The following DSCC1 variants were observed in gnomAD, a reference collection of about 807,000 sequenced individuals.
The protein encoded by DSCC1 is DNA replication and sister chromatid cohesion 1.
DSCC1 carries 32 observed loss-of-function variants against 48.2 expected under a neutral mutation model. The observed-to-expected ratio is 0.66, with a 90% CI of 0.50 to 0.89. The LOEUF is 0.89. Ranked by LOEUF, DSCC1 falls within the 40% of genes least tolerant of loss-of-function variation. The probability of loss-of-function intolerance (pLI) is 0.00; values close to 1 mark genes in which losing one functional copy is unlikely to be tolerated. For missense variants in DSCC1, 421 were observed against 471.7 expected, an observed-to-expected ratio of 0.89 and a Z score of 1.00; for synonymous variants, 150 against 171.5, an observed-to-expected ratio of 0.87 and a Z score of 0.98.
At chr8:119,847,161 A>C in intron 3 of DSCC1, 81 bp from the exon 4 acceptor site, 2 of 1,198,648 alleles carry the variant, frequency 1.7e-6, no homozygotes, top group Non-Finnish European at 2.4e-6. Flanking sequence ...AGGAATAAAT[A>C]CATAGAACAG....
intron 4 of DSCC1, among the ~76,000 whole-genome samples, chr8:119,844,230 G>C (rs1361509249): frequency 2.6e-5 from 4 of 151,976 alleles, no homozygotes. Flanking sequence ...TTTAGGCCAG[G>C]AGTTCGAGAC....
intron 3 of DSCC1, among the ~76,000 whole-genome samples, chr8:119,849,077 C>T (rs1232677760): frequency 2.0e-5 from 3 of 149,004 alleles, no homozygotes; most frequent in South Asian, 2.2e-4. Flanking sequence ...CCCAGCTATT[C>T]GGGAGGCTGA....
intron 7 of DSCC1, among the ~76,000 whole-genome samples, chr8:119,841,012 G>A (rs1052893886): frequency 7.9e-5 from 12 of 151,314 alleles, no homozygotes; most frequent in Non-Finnish European, 1.0e-4. Flanking sequence ...TTATTTTTGA[G>A]ACAGAGTCTT....
chr8:119,838,706 C>A, intron 7 of DSCC1: 1 of 229,652 alleles, frequency 4.4e-6, no homozygotes. Flanking sequence ...TTCTTGGATT[C>A]ATCGTGTTAG....
At chr8:119,845,742 G>A (rs1826846714) in intron 4 of DSCC1, among the ~76,000 whole-genome samples, 2 of 151,802 alleles carry the variant, frequency 1.3e-5, no homozygotes, top group South Asian at 4.2e-4. Context: ...TGAGCTGAGA[G>A]GTTCAAGACC....
intron 3 of DSCC1, among the ~76,000 whole-genome samples, chr8:119,847,303 T>C (rs1826871305): frequency 6.6e-6 from 1 of 152,162 alleles, no homozygotes; most frequent in African/African-American, 2.4e-5. Context: ...TGATGGCTTA[T>C]TAAATATGAC....
intron 8 of DSCC1, 94 bp downstream of exon 8, chr8:119,838,165 C>A: frequency 4.4e-6 from 6 of 1,375,846 alleles, no homozygotes; most frequent in Non-Finnish European, 4.8e-6. Flanking sequence ...AGGGAATACT[C>A]AAGAAAATTG....
At chr8:119,855,497 T>C in intron 1 of DSCC1, 117 bp downstream of exon 1, 1 of 1,366,400 alleles carries the variant, frequency 7.3e-7, no homozygotes, top group Non-Finnish European at 9.6e-7. Flanking sequence ...CAGCTTGCTA[T>C]GAGCCCCCGG....
At chr8:119,838,025 G>C (rs1826711432) in intron 8 of DSCC1, among the ~76,000 whole-genome samples, 1 of 152,140 alleles carries the variant, frequency 6.6e-6, no homozygotes. Flanking sequence ...CCAGGAATGA[G>C]AGCAGAGAAG....
chr8:119,835,295 A>G (rs1300081056), intron 8 of DSCC1, among the ~76,000 whole-genome samples: 2 of 152,150 alleles, frequency 1.3e-5, no homozygotes, highest in Non-Finnish European at 2.9e-5. Context: ...TCACAAGGTC[A>G]GGAGTTGAAG....
Position 119,853,139 on chromosome 8 carries a change from C to G in DSCC1, c.259G>C (p.Asp87His), listed in dbSNP as rs1826965298. ...ATGAAAAGCAACATATTGGAAGTGT[C>G]TGCTATCTTCAAGTCGTATGTTTTG... ...KDKTYDLKIA[D>H]TSNMLLFIPG... Residue 87 changes from aspartate to histidine, a missense_variant, in exon 2 of 9, where the codon GAC becomes CAC. By Grantham distance (81) the Asp-to-His change is moderately conservative. Around this residue, in one of 3 missense-constraint regions of DSCC1, gnomAD observed 174 missense variants for 184.5 expected, o/e 0.94. Coordinates refer to ENST00000313655, the MANE Select transcript of DSCC1 (RefSeq NM_024094.3). 1.5e-5 allele frequency: 25 copies of G among 1,614,034 alleles called. No individual in the cohort carries two copies. Among genetic ancestry groups the G allele is most frequent in the Non-Finnish European group, 2.1e-5 (25 of 1,180,024 alleles).
Position 119,834,716 on chromosome 8 carries a change from A to C in DSCC1, c.*177T>G, listed in dbSNP as rs1826648637. ...TGTACATAGTACAAATATAATTTTA[A>C]AGCTACATCCTATAACATTTAAGAA... On this transcript the variant is annotated 3_prime_UTR_variant, in exon 9 of 9. Transcript: ENST00000313655. 5 of 594,174 alleles carry C rather than the reference A, an allele frequency of 8.4e-6. No homozygotes were observed. Among genetic ancestry groups the C allele is most frequent in the South Asian group, 7.9e-5 (4 of 50,828 alleles). 36.8% of individuals were successfully genotyped at this position (594,174 alleles called of 1,614,324 possible).
intron 7 of DSCC1, chr8:119,838,926 G>C (rs946538196): frequency 6.6e-6 from 1 of 152,210 alleles, no homozygotes; most frequent in African/African-American, 2.4e-5. Context: ...TAGAGAAGGG[G>C]TTTCACCATG....
chr8:119,842,475 C>A (rs901277017), intron 6 of DSCC1, among the ~76,000 whole-genome samples: 1 of 151,696 alleles, frequency 6.6e-6, no homozygotes, highest in Non-Finnish European at 1.5e-5. Flanking sequence ...TCGACCTCCC[C>A]GGGCTCAGGT....
Position 119,855,604 on chromosome 8 carries a change from CA to C in DSCC1, c.182+9del. ...CCAGAGGCTGGGGGCGCCGCGTGACCAGGGCTCACCTGTGTCCATCCTCCAG... is the reference window on the plus strand; with the variant it reads ...CCAGAGGCTGGGGGCGCCGCGTGACCGGGCTCACCTGTGTCCATCCTCCAG... On this transcript the variant is annotated intron_variant, in intron 1 of 8. Transcript: ENST00000313655. 6.5e-7 allele frequency: 1 copy of C among 1,537,088 alleles called. No homozygotes were observed. Among genetic ancestry groups the C allele is most frequent in the Non-Finnish European group, 8.7e-7 (1 of 1,143,440 alleles).
rs1226761112 is a variant in DSCC1, at chr8:119,843,668, C to A, written c.657G>T (p.Trp219Cys). ...TGTTCAAAGGAACTTTACCAAAAGACCATGATTCAGAATCCACAAGCTGAG... is the reference window on the plus strand; with the variant it reads ...TGTTCAAAGGAACTTTACCAAAAGAACATGATTCAGAATCCACAAGCTGAG... The part of the protein sequence containing the change: ...HVTQLVDSES[W>C]SFGKVPLNTC... The change falls in exon 5 of 9, where the codon TGG becomes TGT. Residue 219 changes from tryptophan (W) to cysteine (C), a missense_variant. Physicochemically the swap from Trp to Cys is radical, Grantham distance 215. Coordinates refer to ENST00000313655, the MANE Select transcript of DSCC1 (RefSeq NM_024094.3). 4 of 1,614,078 alleles carry A rather than the reference C, an allele frequency of 2.5e-6. No homozygotes were observed. The highest frequency in any genetic ancestry group is 1.3e-5 in the African/African-American group (1 of 75,034).
chr8:119,837,771 G>C (rs1427581445), intron 8 of DSCC1, among the ~76,000 whole-genome samples: 3 of 152,166 alleles, frequency 2.0e-5, no homozygotes, highest in African/African-American at 7.2e-5. Flanking sequence ...ATTCGAGCTG[G>C]GTAAAGAGAA....
chr8:119,843,114 A>ATTT (rs1250002149), intron 5 of DSCC1, among the ~76,000 whole-genome samples: 1 of 143,708 alleles, frequency 7.0e-6, no homozygotes. Context: ...TGTTTGTTTT[A>ATTT]TTTTATTTTT....
intron 4 of DSCC1, among the ~76,000 whole-genome samples, chr8:119,845,084 T>G (rs1826835761): frequency 6.6e-6 from 1 of 151,026 alleles, no homozygotes; most frequent in Admixed American, 6.6e-5. Flanking sequence ...TATTTATTTA[T>G]TTATTTATTT....
Sources: gnomAD v4.1 joint callset for allele counts (sites outside exome capture counted in the v4.1 genomes callset) on GRCh38, gnomAD v4.1.1 for gene constraint, gnomAD v4.1.1 regional missense constraint, MANE v1.5 for transcripts, NCBI Gene and HGNC (gene_info 2026-07-23, HGNC 2026-07-21) for gene names.